The following SGSM1 variants were observed in gnomAD, a reference collection of about 807,000 sequenced individuals.
SGSM1 encodes the protein small G protein signaling modulator 1.
SGSM1 carries 73 observed loss-of-function variants against 133.8 expected under a neutral mutation model. That is an observed-to-expected ratio of 0.55 (90% CI 0.45 to 0.66). The LOEUF (loss-of-function observed/expected upper bound fraction) is 0.66, where lower values mean the gene tolerates loss of function less well. Ranked by LOEUF, SGSM1 falls within the 30% of genes least tolerant of loss-of-function variation. The probability of loss-of-function intolerance (pLI) is 0.00; values close to 1 mark genes in which losing one functional copy is unlikely to be tolerated. For missense variants in SGSM1, 1,213 were observed against 1,448.1 expected, an observed-to-expected ratio of 0.84 and a Z score of 2.64; for synonymous variants, 563 against 573.0, an observed-to-expected ratio of 0.98 and a Z score of 0.25.
At chr22:24,827,479 A>G (rs974268144) in intron 2 of SGSM1, among the ~76,000 whole-genome samples, 24 of 151,746 alleles carry the variant, frequency 1.6e-4, no homozygotes, top group African/African-American at 5.3e-4. Flanking sequence ...ACGTGGAGGG[A>G]CGGGGCTGGG....
intron 2 of SGSM1, among the ~76,000 whole-genome samples, chr22:24,829,844 C>T (rs1221957824): frequency 6.6e-6 from 1 of 152,192 alleles, no homozygotes; most frequent in Non-Finnish European, 1.5e-5. Flanking sequence ...AGTTCCTACA[C>T]ACAGGCCACA....
chr22:24,892,255 C>T lies in SGSM1; in HGVS notation c.1771-1176C>T, dbSNP rs1932827378. 2.6e-5 allele frequency among the ~76,000 whole-genome samples: 4 copies of T among 151,992 alleles called. No individual in the cohort carries two copies. In the South Asian group the frequency reaches 8.3e-4, roughly 32 times the overall value. Reference sequence around the variant, plus strand: ...CCCTTGGGCAGGATGGACCCTCAGTCCCCCTCCCGAAGTCCTGAGTAGCCA... The same window carrying T: ...CCCTTGGGCAGGATGGACCCTCAGTTCCCCTCCCGAAGTCCTGAGTAGCCA... On this transcript the variant is annotated intron_variant, in intron 16 of 24. Coordinates refer to ENST00000400358, the MANE Select transcript of SGSM1 (RefSeq NM_001098497.3).
intron 20 of SGSM1, among the ~76,000 whole-genome samples, chr22:24,903,333 C>T (rs982649124): frequency 9.2e-5 from 14 of 151,774 alleles, no homozygotes; most frequent in Non-Finnish European, 1.6e-4. Context: ...CTCAGCCTCC[C>T]GAGTAGCTGG....
At chr22:24,826,682 G>A (rs928279398) in intron 2 of SGSM1, among the ~76,000 whole-genome samples, 6 of 152,170 alleles carry the variant, frequency 3.9e-5, no homozygotes, top group Admixed American at 6.5e-5. Flanking sequence ...AAAGGGTAGC[G>A]ATGGCAGGTG....
At position 24,895,218 on chromosome 22, in the gene SGSM1, C is replaced by G; in HGVS notation, c.1954-5C>G. The G allele has an allele frequency of 8.4e-7, 1 of 1,184,674 alleles. No homozygotes were observed. Among genetic ancestry groups the G allele is most frequent in the South Asian group, 1.9e-5 (1 of 54,004 alleles). 73.4% of individuals were successfully genotyped at this position (1,184,674 alleles called of 1,614,324 possible). ...CTCCCTCCCTCCTGCTCTTTCTTTTCTCAGTCCTCCCAGAGCTGCAGTTCG... is the reference window on the plus strand; with the variant it reads ...CTCCCTCCCTCCTGCTCTTTCTTTTGTCAGTCCTCCCAGAGCTGCAGTTCG... On this transcript the variant is annotated splice_polypyrimidine_tract_variant and splice_region_variant and intron_variant, in intron 17 of 24. Coordinates refer to ENST00000400358, the MANE Select transcript of SGSM1 (RefSeq NM_001098497.3).
At chr22:24,924,072 T>C in intron 24 of SGSM1, 114 bp from the exon 25 acceptor site, 1 of 905,732 alleles carries the variant, frequency 1.1e-6, no homozygotes, top group Non-Finnish European at 1.8e-6. Context: ...GGCCTCTGCT[T>C]CCTGAGTCAA....
rs755492483 is a variant in SGSM1, at chr22:24,893,497, G to C, written c.1837G>C (p.Val613Leu). ...TGAGTGGCTGGGCTGCGAGGCGATC[G>C]TGCGGCAGAGGGAGCGGGAGTCCCA... is the stretch of plus-strand genomic sequence containing the variant. The part of the protein sequence containing the change: ...MAEWLGCEAI[V>L]RQRERESHAA... The change falls in exon 17 of 25, where the codon GTG (valine) becomes CTG (leucine). Residue 613 changes from valine (V) to leucine (L), a missense_variant. Transcript: ENST00000400358. 2 of 1,613,676 alleles carry C rather than the reference G, an allele frequency of 1.2e-6. No homozygotes were observed. Among genetic ancestry groups the C allele is most frequent in the South Asian group, 2.2e-5 (2 of 91,066 alleles).
intron 2 of SGSM1, among the ~76,000 whole-genome samples, chr22:24,807,253 G>T (rs1927459908): frequency 6.6e-6 from 1 of 152,196 alleles, no homozygotes; most frequent in African/African-American, 2.4e-5. Context: ...TGCCTGGACT[G>T]CGTGCTCTGG....
chr22:24,857,891 A>C (rs924477740), intron 8 of SGSM1, among the ~76,000 whole-genome samples: 7 of 152,168 alleles, frequency 4.6e-5, no homozygotes, highest in Non-Finnish European at 8.8e-5. Flanking sequence ...TTGTCCCTTT[A>C]CACAAAATGT....
intron 2 of SGSM1, among the ~76,000 whole-genome samples, chr22:24,830,664 T>A (rs1325047844): frequency 1.7e-5 from 1 of 59,098 alleles, no homozygotes; most frequent in East Asian, 3.3e-4. Flanking sequence ...CCCCTGGGTC[T>A]GAAAGGCGGG....
At chr22:24,860,910 A>ATAT (rs1361547978) in intron 9 of SGSM1, among the ~76,000 whole-genome samples, 44 of 97,146 alleles carry the variant, frequency 4.5e-4, no homozygotes, top group South Asian at 1.2e-3. Flanking sequence ...AAAAAAAAAA[A>ATAT]AAAAAAAAAA....
chr22:24,818,342 C>T (rs1192100727), intron 2 of SGSM1, among the ~76,000 whole-genome samples: 1 of 152,046 alleles, frequency 6.6e-6, no homozygotes, highest in Non-Finnish European at 1.5e-5. Flanking sequence ...CTCCTAATAC[C>T]ACCACTTTGG....
rs190408535 is a variant in SGSM1 at position 24,873,791 on chromosome 22, T to G, written c.1292-2786T>G. Among the ~76,000 whole-genome samples the G allele has an allele frequency of 2.5e-4, 38 of 152,068 alleles. No homozygotes were observed. In the East Asian group the frequency reaches 4.4e-3, roughly 18 times the overall value. On this transcript the variant is annotated intron_variant, in intron 12 of 24. Transcript: ENST00000400358. ...TCACTTGAGTCTGGGAGATCAGGGC[T>G]GCAGTGAGCCACGTTTGTGCCACTG...
intron 2 of SGSM1, among the ~76,000 whole-genome samples, chr22:24,815,052 G>A (rs1226834030): frequency 6.6e-6 from 1 of 152,180 alleles, no homozygotes; most frequent in Non-Finnish European, 1.5e-5. Context: ...TCAGATGTGG[G>A]GCAGTGTATT....
At chr22:24,860,928 T>A (rs201694838) in intron 9 of SGSM1, among the ~76,000 whole-genome samples, 118 of 107,420 alleles carry the variant, frequency 1.1e-3, no homozygotes, top group Middle Eastern at 8.8e-3. Context: ...AAAAAATATA[T>A]ATATATATAT....
chr22:24,879,052 C>T (rs1390019789), intron 13 of SGSM1, among the ~76,000 whole-genome samples: 1 of 152,174 alleles, frequency 6.6e-6, no homozygotes, highest in East Asian at 1.9e-4. Flanking sequence ...CTCCCAGCAG[C>T]CACTGCCCTA....
chr22:24,905,347 G>C (rs1217435656), intron 21 of SGSM1, among the ~76,000 whole-genome samples, 160 bp downstream of exon 21: 1 of 152,160 alleles, frequency 6.6e-6, no homozygotes, highest in African/African-American at 2.4e-5. Context: ...AAATAAAAAA[G>C]TCCTTATATT....
At chr22:24,835,603 G>A (rs139643) in intron 2 of SGSM1, among the ~76,000 whole-genome samples, 59,772 of 151,920 alleles carry the variant, frequency 0.39, 11,991 homozygotes, top group Middle Eastern at 0.43. Flanking sequence ...AAATAGGATC[G>A]TCAGGGAAGG....
At chr22:24,886,798 T>C (rs139719) in intron 16 of SGSM1, 70 bp downstream of exon 16, 1,008,257 of 1,495,790 alleles carry the variant, frequency 0.67, 340,819 homozygotes, top group Admixed American at 0.78. Context: ...GGCTGGGGAG[T>C]GCTGGTTCCA....
Sources: gnomAD v4.1 joint callset for allele counts (sites outside exome capture counted in the v4.1 genomes callset) on GRCh38, gnomAD v4.1.1 for gene constraint, MANE v1.5 for transcripts, NCBI Gene and HGNC (gene_info 2026-07-23, HGNC 2026-07-21) for gene names.